CSMD1: variants seen among roughly 807,000 people sequenced by gnomAD.
CSMD1 encodes CUB and sushi domain-containing protein 1.
CSMD1 carries 213 observed loss-of-function variants against 417.5 expected under a neutral mutation model. The observed-to-expected ratio is 0.51, with a 90% CI of 0.46 to 0.57. The LOEUF (loss-of-function observed/expected upper bound fraction) is 0.57, where lower values mean the gene tolerates loss of function less well. Among genes scored for constraint, CSMD1 ranks in the 20% least tolerant of loss-of-function variants. The probability of loss-of-function intolerance (pLI) is 0.00; values close to 1 mark genes in which losing one functional copy is unlikely to be tolerated. For missense variants in CSMD1, 6,923 were observed against 4,529.7 expected (o/e 1.53, Z -15.17); for synonymous variants, 2,862 against 1,736.8 (o/e 1.65, Z -16.11).
rs1563243199 is a variant in CSMD1 at position 3,018,607 on chromosome 8, C to A, written c.7899G>T (p.Lys2633Asn). ...GSLSFPPNGN[K>N]IGTLTVYGAT... ...CCCCATAAACTGTCAACGTTCCAAT[C>A]TTGTTGCCATTTGGGGGAAAGGAAA... The change falls in exon 52 of 70, where the codon AAG becomes AAT. Residue 2633 changes from lysine to asparagine, a missense_variant. Transcript: ENST00000635120. 5.0e-6 allele frequency: 8 copies of A among 1,613,222 alleles called. No individual in the cohort carries two copies. Among genetic ancestry groups the A allele is most frequent in the Non-Finnish European group, 5.9e-6 (7 of 1,179,690 alleles).
chr8:3,535,151 A>C (rs1005577366), intron 10 of CSMD1, among the ~76,000 whole-genome samples: 1 of 151,860 alleles, frequency 6.6e-6, no homozygotes, highest in African/African-American at 2.4e-5. Flanking sequence ...ACAGGGTCTC[A>C]CCATGGTGCC....
At chr8:4,781,234 A>C (rs1238526521) in intron 1 of CSMD1, among the ~76,000 whole-genome samples, 1 of 152,228 alleles carries the variant, frequency 6.6e-6, no homozygotes, top group East Asian at 1.9e-4. Context: ...GGTGAGGCAC[A>C]ATGGCTAAGC....
At chr8:3,937,792 G>C (rs1810608782) in intron 5 of CSMD1, among the ~76,000 whole-genome samples, 2 of 152,060 alleles carry the variant, frequency 1.3e-5, no homozygotes, top group African/African-American at 4.8e-5. Flanking sequence ...GCCTCACATA[G>C]AATGTTACTT....
At chr8:4,127,204 G>C (rs572801148) in intron 3 of CSMD1, among the ~76,000 whole-genome samples, 1 of 151,706 alleles carries the variant, frequency 6.6e-6, no homozygotes, top group Non-Finnish European at 1.5e-5. Flanking sequence ...GTGGCTGTCC[G>C]GCCCCCTCCA....
intron 26 of CSMD1, among the ~76,000 whole-genome samples, chr8:3,281,027 G>C (rs1354820659): frequency 6.6e-6 from 1 of 152,114 alleles, no homozygotes; most frequent in Non-Finnish European, 1.5e-5. Flanking sequence ...CCTCTTCTTA[G>C]GTATCTAGTC....
chr8:4,066,223 G>A (rs1417317747), intron 3 of CSMD1, among the ~76,000 whole-genome samples: 2 of 152,178 alleles, frequency 1.3e-5, no homozygotes, highest in African/African-American at 2.4e-5. Flanking sequence ...CATGGGCAAC[G>A]CCTCCTTCCT....
intron 6 of CSMD1, among the ~76,000 whole-genome samples, chr8:3,737,195 A>G (rs777006085): frequency 8.0e-4 from 121 of 151,478 alleles, no homozygotes; most frequent in Non-Finnish European, 1.4e-3. Context: ...ATCACAAACA[A>G]TGACTATCGG....
intron 2 of CSMD1, among the ~76,000 whole-genome samples, chr8:4,615,079 C>T (rs1057346559): frequency 6.6e-6 from 1 of 152,138 alleles, no homozygotes; most frequent in Admixed American, 6.6e-5. Context: ...GATCTACAAA[C>T]TGATATAATC....
chr8:4,916,861 T>C (rs1806098808), intron 1 of CSMD1, among the ~76,000 whole-genome samples: 2 of 152,238 alleles, frequency 1.3e-5, no homozygotes, highest in Non-Finnish European at 2.9e-5. Context: ...TTGCAAGAAA[T>C]GACAGAAAGG....
chr8:4,468,370 A>C (rs989532876), intron 2 of CSMD1, among the ~76,000 whole-genome samples: 4 of 152,228 alleles, frequency 2.6e-5, no homozygotes, highest in African/African-American at 4.8e-5. Context: ...AAAACCATTA[A>C]TAAAGAGGAT....
intron 3 of CSMD1, among the ~76,000 whole-genome samples, chr8:4,118,427 C>G (rs1015753773): frequency 6.6e-6 from 1 of 151,118 alleles, no homozygotes; most frequent in Non-Finnish European, 1.5e-5. Context: ...AAAAAGTATA[C>G]AAAGGATATG....
At chr8:4,657,002 C>A (rs1470699359) in intron 1 of CSMD1, among the ~76,000 whole-genome samples, 1 of 152,096 alleles carries the variant, frequency 6.6e-6, no homozygotes, top group East Asian at 1.9e-4. Flanking sequence ...CCTCAAAAAC[C>A]ACCGTAGGGC....
At chr8:3,941,855 C>G (rs980907160) in intron 5 of CSMD1, among the ~76,000 whole-genome samples, 1 of 152,076 alleles carries the variant, frequency 6.6e-6, no homozygotes, top group Non-Finnish European at 1.5e-5. Context: ...AAAGGGTCCC[C>G]AACCCTGGCT....
intron 5 of CSMD1, among the ~76,000 whole-genome samples, chr8:3,923,171 C>T (rs1466004828): frequency 6.6e-6 from 1 of 152,124 alleles, no homozygotes; most frequent in Non-Finnish European, 1.5e-5. Context: ...CATGAGACCT[C>T]TCCTCATCAG....
intron 1 of CSMD1, among the ~76,000 whole-genome samples, chr8:4,722,418 G>A (rs1341539569): frequency 1.3e-5 from 2 of 152,138 alleles, no homozygotes; most frequent in African/African-American, 4.8e-5. Context: ...TTGACCGAGT[G>A]AAAAGTGATG....
At chr8:4,891,173 A>G (rs1804098314) in intron 1 of CSMD1, among the ~76,000 whole-genome samples, 1 of 152,126 alleles carries the variant, frequency 6.6e-6, no homozygotes, top group South Asian at 2.1e-4. Flanking sequence ...GAGATTTCTG[A>G]AAATACATCT....
chr8:4,303,810 T>C (rs1798110141), intron 3 of CSMD1, among the ~76,000 whole-genome samples: 1 of 151,864 alleles, frequency 6.6e-6, no homozygotes, highest in African/African-American at 2.4e-5. Context: ...CACACTCCAC[T>C]CTCCCCGGCT....
chr8:4,788,060 G>C, intron 1 of CSMD1: 2 of 1,595,702 alleles, frequency 1.3e-6, no homozygotes, highest in African/African-American at 1.3e-5. Flanking sequence ...AAAACTTTGA[G>C]TGGGTTGCAG....
At chr8:4,515,694 T>C (rs1189046057) in intron 2 of CSMD1, among the ~76,000 whole-genome samples, 1 of 152,140 alleles carries the variant, frequency 6.6e-6, no homozygotes, top group African/African-American at 2.4e-5. Flanking sequence ...GATGAGGCTG[T>C]CCTGCAGTGC....
Sources: gnomAD v4.1 joint callset for allele counts (sites outside exome capture counted in the v4.1 genomes callset) on GRCh38, gnomAD v4.1.1 for gene constraint, MANE v1.5 for transcripts, NCBI Gene and HGNC (gene_info 2026-07-23, HGNC 2026-07-21) for gene names.